HSPG2: variants seen among roughly 807,000 people sequenced by gnomAD.
HSPG2 encodes heparan sulfate proteoglycan 2.
HSPG2 carries 278 observed loss-of-function variants against 526.6 expected under a neutral mutation model. That is an observed-to-expected ratio of 0.53 (90% CI 0.48 to 0.58). HSPG2 has a LOEUF of 0.58. HSPG2 is among the 20% of genes least tolerant of loss of function. The probability of loss-of-function intolerance (pLI) is 0.00; values close to 1 mark genes in which losing one functional copy is unlikely to be tolerated. For synonymous variants in HSPG2, 2,465 were observed against 2,555.4 expected, an observed-to-expected ratio of 0.96 and a Z score of 1.07; for missense variants, 5,354 against 6,099.5, an observed-to-expected ratio of 0.88 and a Z score of 4.07.
Position 21,878,184 on chromosome 1 carries a change from AC to A in HSPG2, c.2685+1del. The A allele has an allele frequency of 6.2e-7, 1 of 1,613,650 alleles. No individual in the cohort carries two copies. Among genetic ancestry groups the A allele is most frequent in the Non-Finnish European group, 8.5e-7 (1 of 1,179,848 alleles). ...TGGGTGGGTGGCAGATGGCACGCGT[AC>A]CTTACAGCGGCAGGCCTCCCCGGAG... On this transcript the variant is annotated splice_donor_variant, in intron 21 of 96. Transcript: ENST00000374695. LOFTEE classifies it high-confidence loss of function.
At position 21,846,693 on chromosome 1, in the gene HSPG2, A is replaced by C. The variant is rs942349082; in HGVS notation, c.8165-94T>G. 2.3e-5 allele frequency: 32 copies of C among 1,388,428 alleles called. 1 individual carries two copies. The highest frequency in any genetic ancestry group is 2.3e-4 in the African/African-American group (16 of 70,540). The allele number at this position is 1,388,428 out of a possible 1,614,324, so 86.0% of individuals were successfully genotyped here. ...TCTGCCATAGAAAATCTCACCCCCC[A>C]GAGTAACACTAATAGTTAACACTTG... On this transcript the variant is annotated intron_variant, in intron 62 of 96. Transcript: ENST00000374695.
chr1:21,831,158 G>A (rs1324411718), intron 84 of HSPG2, 57 bp downstream of exon 84: 2 of 1,600,118 alleles, frequency 1.2e-6, no homozygotes, highest in African/African-American at 1.3e-5. Context: ...ACAGGGGCCA[G>A]CCATGGCTAG....
In HSPG2 at chr1:21,876,245, C is replaced by T. The variant is rs373895855; in HGVS notation, c.2987G>A (p.Arg996His). Residue 996 changes from arginine (R) to histidine (H), a missense_variant, in exon 23 of 97, where the codon CGC (arginine) becomes CAC (histidine). Physicochemically the swap from Arg to His is conservative, Grantham distance 29 (BLOSUM62 0). Transcript: ENST00000374695. ...SGPYFWSLPS[R>H]FLGDKVTSYG... ...ACTACCCACCTTGTCCCCCAGGAAG[C>T]GTGAAGGGAGGCTCCAGAAGTAGGG... The T allele has an allele frequency of 1.4e-4, 227 of 1,610,966 alleles. No homozygotes were observed. The Middle Eastern group carries it at 1.5e-3, about 11-fold the overall frequency.
chr1:21,854,335 G>C lies in HSPG2; in HGVS notation c.6297C>G (p.Gly2099=), dbSNP rs1339843922. 1.8e-5 allele frequency: 29 copies of C among 1,568,976 alleles called. No individual in the cohort carries two copies. Among genetic ancestry groups the C allele is most frequent in the Non-Finnish European group, 2.5e-5 (29 of 1,156,622 alleles). Residue 2099 remains glycine, a synonymous_variant, in exon 50 of 97, where the codon GGC becomes GGG. Coordinates refer to ENST00000374695, the MANE Select transcript of HSPG2 (RefSeq NM_005529.7). ...AGACCTGGGGGAGCCGCAGACGGGA[G>C]CCGTGCACCTGGGCCAGGAGGAGCC... The part of the protein sequence containing the change: ...GSLPPHTQVH[G]SRLRLPQVSP...
intron 3 of HSPG2, among the ~76,000 whole-genome samples, chr1:21,892,359 C>T (rs1028548800): frequency 6.6e-6 from 1 of 152,286 alleles, no homozygotes; most frequent in Non-Finnish European, 1.5e-5. Flanking sequence ...GCGAGGAGGC[C>T]GGGCCTCTGC....
At position 21,860,241 on chromosome 1, in the gene HSPG2, A is replaced by T. The variant is rs765787536; in HGVS notation, c.4956-6T>A. 1 of 1,612,416 alleles carries T rather than the reference A, an allele frequency of 6.2e-7. No individual in the cohort carries two copies. The highest frequency in any genetic ancestry group is 2.2e-5 in the East Asian group (1 of 44,820). On this transcript the variant is annotated splice_polypyrimidine_tract_variant and splice_region_variant and intron_variant, in intron 39 of 96. Transcript: ENST00000374695. ...CCACGTAACCTGGGCCACACCTGTA[A>T]GGGGGAACAAGGGCCGGCAATGTCA...
chr1:21,833,603 G>T lies in HSPG2; in HGVS notation c.10842C>A (p.Ser3614Arg). The T allele has an allele frequency of 1.2e-6, 2 of 1,614,060 alleles. No individual in the cohort carries two copies. The highest frequency in any genetic ancestry group is 2.2e-5 in the South Asian group (2 of 91,084). ...PDISWSKLDG[S>R]LPPDSRLENN... is the part of the protein sequence containing the mutation. Reference sequence around the variant, plus strand: ...TCTCCAGGCGGCTGTCAGGTGGCAGGCTGCCATCCAGCTGCAAATGCACTA... The same window carrying T: ...TCTCCAGGCGGCTGTCAGGTGGCAGTCTGCCATCCAGCTGCAAATGCACTA... Residue 3614 changes from serine (S) to arginine (R), a missense_variant, in exon 79 of 97, where the codon AGC becomes AGA. Coordinates refer to ENST00000374695, the MANE Select transcript of HSPG2 (RefSeq NM_005529.7).
In HSPG2 at chr1:21,855,390, G is replaced by A. The variant is rs781782474; in HGVS notation, c.5911C>T (p.Arg1971Cys). Residue 1971 changes from arginine to cysteine, a missense_variant, in exon 47 of 97, where the codon CGC becomes TGC. Physicochemically the swap from Arg to Cys is radical, Grantham distance 180. Coordinates refer to ENST00000374695, the MANE Select transcript of HSPG2 (RefSeq NM_005529.7). ...GCCCTGCAGTACAGCCTGACGGTGCGGCCTGCGTGGACCTGGGTCCTCTCT... is the reference window on the plus strand; with the variant it reads ...GCCCTGCAGTACAGCCTGACGGTGCAGCCTGCGTGGACCTGGGTCCTCTCT... ...SPERTQVHAGRTVRLYCRAAG... is the reference protein window; with the variant it reads ...SPERTQVHAGCTVRLYCRAAG... 1.4e-5 allele frequency: 22 copies of A among 1,612,816 alleles called. No homozygotes were observed. The highest frequency in any genetic ancestry group is 7.7e-5 in the South Asian group (7 of 90,832).
chr1:21,894,687 G>GT (rs1233649134), intron 3 of HSPG2, among the ~76,000 whole-genome samples: 1 of 152,176 alleles, frequency 6.6e-6, no homozygotes, highest in Non-Finnish European at 1.5e-5. Flanking sequence ...GCAGTGGGCA[G>GT]CCCCCGGGGA....
intron 20 of HSPG2, 81 bp from the exon 21 acceptor site, chr1:21,878,334 C>G: frequency 6.3e-7 from 1 of 1,583,906 alleles, no homozygotes; most frequent in African/African-American, 1.3e-5. Context: ...CAGTGGCTCC[C>G]CAAGGTTCAT....
chr1:21,842,461 C>T (rs1282085226), intron 67 of HSPG2, 81 bp from the exon 68 acceptor site: 2 of 1,441,632 alleles, frequency 1.4e-6, no homozygotes, highest in Non-Finnish European at 1.8e-6. Flanking sequence ...GTGCCGGTAC[C>T]CAAGAGTTCT....
In HSPG2 at chr1:21,831,684, C is replaced by T; in HGVS notation, c.11320G>A (p.Gly3774Ser). 3 of 1,605,880 alleles carry T rather than the reference C, an allele frequency of 1.9e-6. No individual in the cohort carries two copies. The highest frequency in any genetic ancestry group is 2.6e-6 in the Non-Finnish European group (3 of 1,175,632). The stretch of plus-strand genomic sequence containing the variant: ...GTCCCATTGACCGGGGCCAGGTCAC[C>T]CACAATCAGGGAGCCCTGGGTGAGG... ...RSLTQGSLIV[G>S]DLAPVNGTSQ... Residue 3774 changes from glycine (G) to serine (S), a missense_variant, in exon 82 of 97, where the codon GGT (glycine) becomes AGT (serine). Coordinates refer to ENST00000374695, the MANE Select transcript of HSPG2 (RefSeq NM_005529.7).
chr1:21,878,272 G>A lies in HSPG2; in HGVS notation c.2618-19C>T, dbSNP rs1641237723. On this transcript the variant is annotated intron_variant, in intron 20 of 96. Coordinates refer to ENST00000374695, the MANE Select transcript of HSPG2 (RefSeq NM_005529.7). ...TCCTGGTCTGGGACACAAAACGAGT[G>A]TTGGCAGGGCAGGTGGGAATGGGAT... The A allele has an allele frequency of 1.2e-6, 2 of 1,613,442 alleles. No individual in the cohort carries two copies. Among genetic ancestry groups the A allele is most frequent in the East Asian group, 2.2e-5 (1 of 44,870 alleles).
intron 1 of HSPG2, among the ~76,000 whole-genome samples, chr1:21,910,959 C>T (rs1192212053): frequency 6.6e-6 from 1 of 152,182 alleles, no homozygotes; most frequent in Non-Finnish European, 1.5e-5. Flanking sequence ...AATGGCCAAG[C>T]TGGGAGTCAA....
Position 21,878,097 on chromosome 1 carries a change from C to A in HSPG2, c.2685+89G>T, listed in dbSNP as rs962072981. 4 of 1,228,276 alleles carry A rather than the reference C, an allele frequency of 3.3e-6. No individual in the cohort carries two copies. In the African/African-American group the frequency reaches 6.0e-5, roughly 18 times the overall value. 76.1% of individuals were successfully genotyped at this position (1,228,276 alleles called of 1,614,324 possible). On this transcript the variant is annotated intron_variant, in intron 21 of 96. Transcript: ENST00000374695. ...GGGTTACCACCCACTGGCCAAGGAT[C>A]TATGGAGAGGACGGAGCTTCCTTCT...
Position 21,859,834 on chromosome 1 carries a change from C to A in HSPG2, c.5182+1G>T. The A allele has an allele frequency of 6.2e-7, 1 of 1,611,320 alleles. No individual in the cohort carries two copies. The highest frequency in any genetic ancestry group is 8.5e-7 in the Non-Finnish European group (1 of 1,179,594). Reference sequence around the variant, plus strand: ...GCTGAGGAGCCTAGGGCCATGGGTACCTTGATGTCGCTGCTGGGTGCCGCT... The same window carrying A: ...GCTGAGGAGCCTAGGGCCATGGGTAACTTGATGTCGCTGCTGGGTGCCGCT... On this transcript the variant is annotated splice_donor_variant, in intron 41 of 96. Transcript: ENST00000374695. LOFTEE classifies it high-confidence loss of function. This position sits in a 1 kb window ranked among gnomAD's most constrained non-coding sequence, Gnocchi z 5.3.
At chr1:21,861,149 C>T (rs1161603283) in intron 39 of HSPG2, among the ~76,000 whole-genome samples, 3 of 152,150 alleles carry the variant, frequency 2.0e-5, no homozygotes, top group South Asian at 2.1e-4. Flanking sequence ...TGGCAGACTC[C>T]GTAAGGGCTG....
At position 21,872,088 on chromosome 1, in the gene HSPG2, T is replaced by C; in HGVS notation, c.4221+98A>G. On this transcript the variant is annotated intron_variant, in intron 33 of 96. Coordinates refer to ENST00000374695, the MANE Select transcript of HSPG2 (RefSeq NM_005529.7). This position sits in a 1 kb window ranked among gnomAD's most constrained non-coding sequence, Gnocchi z 5.5. ...AAAAGCCACGTGCCTAACCACGATA[T>C]GGCCATGCAGGTGGCAGGTGCCTGC... 1.5e-6 allele frequency: 2 copies of C among 1,323,378 alleles called. No homozygotes were observed. The highest frequency in any genetic ancestry group is 2.1e-6 in the Non-Finnish European group (2 of 941,742). 82.0% of individuals were successfully genotyped at this position (1,323,378 alleles called of 1,614,324 possible). A position where few individuals can be genotyped will look rare whatever the true frequency, so the allele number is the denominator to read the frequency against.
Position 21,890,390 on chromosome 1 carries a change from C to A in HSPG2, c.413+37G>T. 1 of 1,603,842 alleles carries A rather than the reference C, an allele frequency of 6.2e-7. No homozygotes were observed. The highest frequency in any genetic ancestry group is 8.5e-7 in the Non-Finnish European group (1 of 1,170,776). On this transcript the variant is annotated intron_variant, in intron 5 of 96. Transcript: ENST00000374695. The surrounding 1 kb of genome is among the most constrained non-coding windows in gnomAD (Gnocchi z 4.1). ...ATCAGCCCCCTCCAGGTTACCCGCTCAAGTCCCCCAGCAGCCCCCAGGGAG... is the reference window on the plus strand; with the variant it reads ...ATCAGCCCCCTCCAGGTTACCCGCTAAAGTCCCCCAGCAGCCCCCAGGGAG...
Sources: gnomAD v4.1 joint callset for allele counts (sites outside exome capture counted in the v4.1 genomes callset) on GRCh38, gnomAD v4.1.1 for gene constraint, Gnocchi (gnomAD v3.1) non-coding constraint, MANE v1.5 for transcripts, NCBI Gene and HGNC (gene_info 2026-07-23, HGNC 2026-07-21) for gene names.